The following MACF1 variants were observed in gnomAD, a reference collection of about 807,000 sequenced individuals.
The protein encoded by MACF1 is microtubule actin crosslinking factor 1, also known as microtubule-actin cross-linking factor 1.
Under a neutral mutation model 854.8 loss-of-function variants are expected in MACF1, and 193 were observed. The ratio of observed to expected loss-of-function variants is 0.23; its 90% CI spans 0.20 to 0.25. The LOEUF is 0.25. MACF1 is among the 10% of genes least tolerant of loss of function. The pLI, the probability that MACF1 is intolerant of heterozygous loss-of-function variation, is 1.00. For missense variants in MACF1, 7,722 were observed against 8,929.1 expected (o/e 0.86, Z 5.45); for synonymous variants, 3,185 against 3,226.7 (o/e 0.99, Z 0.44).
chr1:39,121,937 A>G (rs1642725479), intron 2 of MACF1, among the ~76,000 whole-genome samples: 2 of 152,116 alleles, frequency 1.3e-5, no homozygotes, highest in Non-Finnish European at 2.9e-5. Flanking sequence ...ACCTTAAGGC[A>G]CAGGAAAATT....
chr1:39,351,069 A>G (rs1647167521), intron 43 of MACF1, 51 bp downstream of exon 43: 3 of 1,366,456 alleles, frequency 2.2e-6, no homozygotes, highest in Non-Finnish European at 2.0e-6. Context: ...AAATTTTGGT[A>G]CCAACACAAA....
chr1:39,354,509 A>G (rs1647356881), intron 44 of MACF1, among the ~76,000 whole-genome samples: 1 of 152,092 alleles, frequency 6.6e-6, no homozygotes, highest in African/African-American at 2.4e-5. Flanking sequence ...GAGTCAAGCA[A>G]TTCTCATGCA....
intron 89 of MACF1, 40 bp downstream of exon 89, chr1:39,455,137 G>A: frequency 1.3e-6 from 2 of 1,591,972 alleles, no homozygotes; most frequent in Non-Finnish European, 1.7e-6. Flanking sequence ...TGTTTTCCGT[G>A]TTGGGCATGG....
intron 38 of MACF1, 126 bp downstream of exon 38, chr1:39,337,457 T>C: frequency 1.1e-6 from 1 of 870,218 alleles, no homozygotes; most frequent in Non-Finnish European, 1.7e-6. Context: ...TCTCAGACCC[T>C]TGTCAGATAA....
rs1217950915 is a variant in MACF1, at chr1:39,084,356, C to T, written c.138C>T (p.Asn46=). ...CCCCAGGGGACACCTTGCCCTGGAACCTGCCACTGCATGAGCAGAAAAAGC... is the reference window on the plus strand; with the variant it reads ...CCCCAGGGGACACCTTGCCCTGGAATCTGCCACTGCATGAGCAGAAAAAGC... Residue 46 remains asparagine, a synonymous_variant, in exon 2 of 94, where the codon AAC becomes AAT. Coordinates refer to the MACF1 transcript ENST00000361689. This position sits in a 1 kb window ranked among gnomAD's most constrained non-coding sequence, Gnocchi z 5.2. The T allele has an allele frequency of 1.9e-6, 3 of 1,613,834 alleles. No homozygotes were observed. The highest frequency in any genetic ancestry group is 2.5e-6 in the Non-Finnish European group (3 of 1,180,034).
At chr1:39,113,909 G>A (rs1642477135) in intron 2 of MACF1, among the ~76,000 whole-genome samples, 1 of 152,156 alleles carries the variant, frequency 6.6e-6, no homozygotes, top group Admixed American at 6.5e-5. Context: ...GGTGGTACAT[G>A]CCTGTAGTCC....
chr1:39,167,571 TG>T (rs1442047891), intron 2 of MACF1, among the ~76,000 whole-genome samples: 3 of 152,054 alleles, frequency 2.0e-5, no homozygotes, highest in Non-Finnish European at 4.4e-5. Flanking sequence ...CTGGGCGTGG[TG>T]GTGCATGCCT....
intron 99 of MACF1, 43 bp downstream of exon 99, chr1:39,481,073 G>A (rs1350051971): frequency 4.8e-6 from 6 of 1,258,748 alleles, no homozygotes; most frequent in Non-Finnish European, 6.8e-6. Flanking sequence ...TCAAGACGAG[G>A]CCCTCGCTAC....
rs1648124351 is a variant in MACF1, at chr1:39,360,781, C to G, written c.12245-12C>G. 1 of 1,575,180 alleles carries G rather than the reference C, an allele frequency of 6.3e-7. No individual in the cohort carries two copies. The highest frequency in any genetic ancestry group is 1.8e-5 in the Admixed American group (1 of 56,524). ...TGTCTCCACTCTTTCTTTTCATGGC[C>G]TGATTTTTCAGATTCCATACTCAGC... On this transcript the variant is annotated splice_polypyrimidine_tract_variant and intron_variant, in intron 47 of 100. Coordinates refer to ENST00000564288, the MANE Select transcript of MACF1 (RefSeq NM_001394062.1).
chr1:39,285,179 C>T lies in MACF1; in HGVS notation c.1228C>T (p.Arg410Ter), dbSNP rs753238987. ...WGKLIIEMLE[R>*]EKSLRPAVER... ...AAAGCTCATCATAGAGATGCTGGAACGAGAGAAATCACTTCGGCCGGCTGT... is the reference window on the plus strand; with the variant it reads ...AAAGCTCATCATAGAGATGCTGGAATGAGAGAAATCACTTCGGCCGGCTGT... The change falls in exon 12 of 101, where the codon CGA (arginine) becomes TGA (stop). Residue 410 changes from arginine to a stop codon, truncating the protein, a stop_gained. Transcript: ENST00000564288. LOFTEE classifies it high-confidence loss of function. 2 of 1,614,134 alleles carry T rather than the reference C, an allele frequency of 1.2e-6. No homozygotes were observed. The highest frequency in any genetic ancestry group is 1.7e-6 in the Non-Finnish European group (2 of 1,180,034).
chr1:39,103,994 C>T (rs1426866684), intron 2 of MACF1, among the ~76,000 whole-genome samples: 1 of 152,210 alleles, frequency 6.6e-6, no homozygotes, highest in African/African-American at 2.4e-5. Flanking sequence ...CTTCCCTAGC[C>T]TGGGGTTAAG....
Position 39,387,680 on chromosome 1 carries a change from G to A in MACF1, c.14838G>A (p.Lys4946=). 1.2e-6 allele frequency: 2 copies of A among 1,614,170 alleles called. No homozygotes were observed. Among genetic ancestry groups the A allele is most frequent in the Admixed American group, 1.7e-5 (1 of 60,010 alleles). ...VQLESSLLRS[K]AMLNEVEKRR... is the part of the protein sequence containing the mutation. ...TAGAGTCCAGTCTCCTAAGATCAAA[G>A]GCTATGCTGAATGAGGTGGAGAAGC... The change falls in exon 58 of 101, where the codon AAG becomes AAA. Residue 4946 remains lysine (K), a synonymous_variant. Transcript: ENST00000564288.
At chr1:39,248,958 G>A (rs1170648537) in intron 2 of MACF1, among the ~76,000 whole-genome samples, 2 of 151,962 alleles carry the variant, frequency 1.3e-5, no homozygotes, top group African/African-American at 4.8e-5. Context: ...GAACTCCTAG[G>A]CTTATCTCAA....
intron 2 of MACF1, among the ~76,000 whole-genome samples, chr1:39,156,640 T>TG (rs1419251743): frequency 6.6e-6 from 1 of 151,872 alleles, no homozygotes; most frequent in African/African-American, 2.4e-5. Flanking sequence ...AAAAAGAATT[T>TG]GGGGCTCCTG....
At position 39,333,054 on chromosome 1, in the gene MACF1, C is replaced by G; in HGVS notation, c.6466C>G (p.Pro2156Ala). 6.2e-7 allele frequency: 1 copy of G among 1,613,962 alleles called. No individual in the cohort carries two copies. Among genetic ancestry groups the G allele is most frequent in the Non-Finnish European group, 8.5e-7 (1 of 1,180,008 alleles). Residue 2156 changes from proline to alanine, a missense_variant, in exon 37 of 101, where the codon CCA becomes GCA. Pro to Ala is a conservative substitution (Grantham distance 27). Transcript: ENST00000564288. ...CAAAGATGTTTTTTCTGTTGAAACA[C>G]CAAAGAAAGAACATCAACCTCTAAG... ...VDKDVFSVET[P>A]KKEHQPLRNT... is the part of the protein sequence containing the mutation.
chr1:39,093,628 C>G (rs260963), intron 2 of MACF1, among the ~76,000 whole-genome samples: 132,884 of 151,482 alleles, frequency 0.88, 58,604 homozygotes, highest in East Asian at 1. Flanking sequence ...TGGGACTACA[C>G]GCACACGCCA....
intron 83 of MACF1, 136 bp downstream of exon 83, chr1:39,448,288 G>C: frequency 9.7e-7 from 1 of 1,034,912 alleles, no homozygotes; most frequent in Non-Finnish European, 1.4e-6. Flanking sequence ...TGAAGCCAGG[G>C]TTCCATTTTA....
intron 2 of MACF1, among the ~76,000 whole-genome samples, chr1:39,128,568 G>A (rs963780738): frequency 2.6e-5 from 4 of 152,044 alleles, no homozygotes; most frequent in East Asian, 3.9e-4. Flanking sequence ...GCGTGGTGGC[G>A]GGCGCCTGTA....
chr1:39,360,013 ATATATATATATATATATATATATATAT>A (rs1164125042), intron 47 of MACF1, among the ~76,000 whole-genome samples: 6 of 20,954 alleles, frequency 2.9e-4, no homozygotes, highest in East Asian at 3.5e-3. Context: ...AAAAAAAAAA[ATATATATATATATATATATATATATAT>A]ATATATATAT....
Sources: allele counts gnomAD v4.1 joint callset (sites outside exome capture counted in the v4.1 genomes callset), GRCh38; gene constraint gnomAD v4.1.1; non-coding constraint Gnocchi (gnomAD v3.1); transcripts MANE v1.5; gene names NCBI Gene and HGNC (gene_info 2026-07-23, HGNC 2026-07-21).